Variants in RUNX2 observed in about 807,000 individuals in gnomAD.
RUNX2 encodes RUNX family transcription factor 2.
RUNX2 carries 10 observed loss-of-function variants against 51.7 expected under a neutral mutation model. The observed-to-expected ratio is 0.19, with a 90% CI of 0.12 to 0.33. The LOEUF (loss-of-function observed/expected upper bound fraction) is 0.33. Ranked by LOEUF, RUNX2 falls within the 10% of genes least tolerant of loss-of-function variation. The probability of loss-of-function intolerance (pLI) is 1.00; values close to 1 mark genes in which losing one functional copy is unlikely to be tolerated. For missense variants in RUNX2, 562 were observed against 691.3 expected, an observed-to-expected ratio of 0.81 and a Z score of 2.10; for synonymous variants, 276 against 273.6, an observed-to-expected ratio of 1.01 and a Z score of -0.09.
intron 5 of RUNX2, among the ~76,000 whole-genome samples, chr6:45,451,100 A>G (rs926196997): frequency 4.6e-5 from 7 of 152,230 alleles, no homozygotes; most frequent in African/African-American, 1.7e-4. Context: ...GGTTTAAATA[A>G]GTGAATCAAA....
chr6:45,534,589 G>C (rs1244709644), intron 7 of RUNX2, among the ~76,000 whole-genome samples: 1 of 152,202 alleles, frequency 6.6e-6, no homozygotes, highest in Admixed American at 6.5e-5. Context: ...GAACTGAGGA[G>C]AGCAAGAGAC....
At chr6:45,396,510 G>A (rs528828838) in intron 2 of RUNX2, among the ~76,000 whole-genome samples, 3 of 152,058 alleles carry the variant, frequency 2.0e-5, no homozygotes, top group East Asian at 1.9e-4. Context: ...GACCCAAACC[G>A]TCCTCCTGCC....
chr6:45,332,548 T>C (rs894736163), intron 2 of RUNX2, among the ~76,000 whole-genome samples: 4 of 151,918 alleles, frequency 2.6e-5, no homozygotes, highest in African/African-American at 7.2e-5. Flanking sequence ...ACCTTTGTTC[T>C]AGGATACTAA....
chr6:45,422,501 C>T (rs1476119767), intron 2 of RUNX2, 92 bp from the exon 3 acceptor site: 2 of 876,016 alleles, frequency 2.3e-6, no homozygotes, highest in African/African-American at 1.9e-5. Context: ...CCTTCACCCC[C>T]CCAATTTCCT....
chr6:45,414,025 AC>A (rs1175850846), intron 2 of RUNX2, among the ~76,000 whole-genome samples: 1 of 152,182 alleles, frequency 6.6e-6, no homozygotes, highest in African/African-American at 2.4e-5. Context: ...TACATGATAA[AC>A]AAAATATCAA....
intron 5 of RUNX2, among the ~76,000 whole-genome samples, chr6:45,443,396 G>T (rs1229818550): frequency 6.6e-6 from 1 of 152,104 alleles, no homozygotes; most frequent in Non-Finnish European, 1.5e-5. Flanking sequence ...GCATGGAATT[G>T]CTTCCTCTAG....
chr6:45,409,552 T>C (rs893995637), intron 2 of RUNX2, among the ~76,000 whole-genome samples: 1 of 152,222 alleles, frequency 6.6e-6, no homozygotes, highest in Non-Finnish European at 1.5e-5. Flanking sequence ...ATACAGCATA[T>C]GCAGTTTCAA....
chr6:45,337,802 T>G (rs1444074189), intron 2 of RUNX2, among the ~76,000 whole-genome samples: 1 of 151,998 alleles, frequency 6.6e-6, no homozygotes, highest in Non-Finnish European at 1.5e-5. Flanking sequence ...AAACAAATAT[T>G]AAATACATAT....
At chr6:45,472,348 G>C (rs1450327386) in intron 5 of RUNX2, among the ~76,000 whole-genome samples, 2 of 152,130 alleles carry the variant, frequency 1.3e-5, no homozygotes, top group Non-Finnish European at 2.9e-5. Context: ...AGGAACAAAG[G>C]CAAAGTTTCA....
At chr6:45,546,727 G>A (rs1022166437) in intron 8 of RUNX2, 100 bp from the exon 9 acceptor site, 3 of 1,067,462 alleles carry the variant, frequency 2.8e-6, no homozygotes, top group African/African-American at 3.2e-5. Context: ...TCCTTTATGG[G>A]AAAGCTAAAG....
In RUNX2 at chr6:45,485,716, T is replaced by TATATATATACAC. The variant is rs1554394671; in HGVS notation, c.686-6224_686-6223insTATATATACACA. On this transcript the variant is annotated intron_variant, in intron 5 of 8. Coordinates refer to ENST00000647337, the MANE Select transcript of RUNX2 (RefSeq NM_001024630.4). ...GTGTGTGTATATATATATATATATA[T>TATATATATACAC]ACACATATTTAGCATCATCTTATCT... 2.0e-3 allele frequency among the ~76,000 whole-genome samples: 250 copies of TATATATATACAC among 126,498 alleles called. 2 individuals carry two copies. The highest frequency in any genetic ancestry group is 4.5e-3 in the East Asian group (21 of 4,656). 83.0% of individuals were successfully genotyped at this position (126,498 alleles called of 152,430 possible). A position where few individuals can be genotyped will look rare whatever the true frequency, so the allele number is the denominator to read the frequency against.
chr6:45,487,976 G>T (rs1321861743), intron 5 of RUNX2, among the ~76,000 whole-genome samples: 1 of 152,146 alleles, frequency 6.6e-6, no homozygotes, highest in Non-Finnish European at 1.5e-5. Context: ...ATAGGAGGTG[G>T]TGTTCATTCT....
intron 2 of RUNX2, chr6:45,421,972 G>T (rs545691082): frequency 1.8e-3 from 278 of 151,224 alleles, no homozygotes; most frequent in African/African-American, 6.4e-3. Flanking sequence ...CCGGGGAGCC[G>T]GGCTGGCAGC....
intron 5 of RUNX2, among the ~76,000 whole-genome samples, chr6:45,439,891 GT>G (rs1215592654): frequency 6.6e-6 from 1 of 151,542 alleles, no homozygotes; most frequent in Non-Finnish European, 1.5e-5. Flanking sequence ...AGAGGTTTTT[GT>G]CCAAATTAGT....
At chr6:45,434,717 T>C (rs1273918277) in intron 4 of RUNX2, among the ~76,000 whole-genome samples, 1 of 152,132 alleles carries the variant, frequency 6.6e-6, no homozygotes, top group East Asian at 1.9e-4. Flanking sequence ...TTTTTTTTGG[T>C]ATGCTTTCTT....
chr6:45,479,268 C>T (rs1800043621), intron 5 of RUNX2, among the ~76,000 whole-genome samples: 1 of 152,166 alleles, frequency 6.6e-6, no homozygotes, highest in Admixed American at 6.5e-5. Flanking sequence ...TACTTCTTTT[C>T]CAGTGAGCTT....
At chr6:45,505,233 C>T (rs1043188976) in intron 6 of RUNX2, among the ~76,000 whole-genome samples, 3 of 152,174 alleles carry the variant, frequency 2.0e-5, no homozygotes, top group Admixed American at 2.0e-4. Flanking sequence ...TAGCAGCTGC[C>T]TTGTTTCCAG....
At position 45,409,500 on chromosome 6, in the gene RUNX2, T is replaced by C. The variant is rs75128382; in HGVS notation, c.59-13093T>C. Reference sequence around the variant, plus strand: ...ACATACAACGTATTATAATTTTCTATGTATATCTAGGGTAGATACTTAGGT... The same window carrying C: ...ACATACAACGTATTATAATTTTCTACGTATATCTAGGGTAGATACTTAGGT... On this transcript the variant is annotated intron_variant, in intron 2 of 8. Coordinates refer to ENST00000647337, the MANE Select transcript of RUNX2 (RefSeq NM_001024630.4). Among the ~76,000 whole-genome samples the C allele has an allele frequency of 7.7e-4, 118 of 152,332 alleles. 4 individuals carry two copies. The East Asian group carries it at 0.022, about 29-fold the overall frequency.
At chr6:45,525,396 A>G (rs1801641657) in intron 7 of RUNX2, among the ~76,000 whole-genome samples, 1 of 152,226 alleles carries the variant, frequency 6.6e-6, no homozygotes, top group Non-Finnish European at 1.5e-5. Context: ...TATCAGGAAA[A>G]CATTTCTTCC....
Sources: gnomAD v4.1 joint callset for allele counts (sites outside exome capture counted in the v4.1 genomes callset) on GRCh38, gnomAD v4.1.1 for gene constraint, MANE v1.5 for transcripts, NCBI Gene and HGNC (gene_info 2026-07-23, HGNC 2026-07-21) for gene names.